The following IMMP2L variants were observed in gnomAD, a reference collection of about 807,000 sequenced individuals.
IMMP2L encodes mitochondrial inner membrane protease subunit 2.
In IMMP2L, 18 loss-of-function variants were observed where a neutral mutation model predicts 19.3. The observed-to-expected ratio is 0.93, with a 90% CI of 0.64 to 1.38. The LOEUF is 1.38. Ranked by LOEUF, IMMP2L falls within the 40% of genes most tolerant of loss-of-function variation. IMMP2L has a pLI of 0.00. For synonymous variants in IMMP2L, 76 were observed against 73.0 expected (o/e 1.04, Z -0.21); for missense variants, 233 against 218.2 (o/e 1.07, Z -0.43).
At chr7:110,787,034 G>GA (rs1800127452) in intron 5 of IMMP2L, among the ~76,000 whole-genome samples, 1 of 150,796 alleles carries the variant, frequency 6.6e-6, no homozygotes, top group South Asian at 2.1e-4. Flanking sequence ...TCTAAAGCAG[G>GA]AAAAAAGAAA....
At chr7:111,422,899 C>A (rs977046745) in intron 3 of IMMP2L, among the ~76,000 whole-genome samples, 1 of 151,682 alleles carries the variant, frequency 6.6e-6, no homozygotes, top group Non-Finnish European at 1.5e-5. Flanking sequence ...TTCATCAATA[C>A]CTAGTTTATT....
chr7:111,174,675 G>C (rs932205868), intron 3 of IMMP2L, among the ~76,000 whole-genome samples: 1 of 151,572 alleles, frequency 6.6e-6, no homozygotes, highest in East Asian at 1.9e-4. Flanking sequence ...AACAATTATT[G>C]AAAAAAGGAA....
At chr7:110,685,768 G>C (rs1413072665) in intron 5 of IMMP2L, among the ~76,000 whole-genome samples, 1 of 151,804 alleles carries the variant, frequency 6.6e-6, no homozygotes, top group Non-Finnish European at 1.5e-5. Flanking sequence ...TATATACTAA[G>C]ATGAGCTCAA....
intron 3 of IMMP2L, among the ~76,000 whole-genome samples, chr7:111,118,473 A>T (rs1692253439): frequency 6.6e-6 from 1 of 152,066 alleles, no homozygotes; most frequent in Admixed American, 6.6e-5. Flanking sequence ...CAATTGTTTG[A>T]TTTTAACGGC....
At chr7:110,796,674 A>G (rs560026785) in intron 5 of IMMP2L, among the ~76,000 whole-genome samples, 39 of 152,158 alleles carry the variant, frequency 2.6e-4, no homozygotes, top group Non-Finnish European at 4.3e-4. Flanking sequence ...TTTAAGCTAG[A>G]TAAGGAAGAA....
chr7:111,523,134 G>A (rs1303749449), intron 1 of IMMP2L, among the ~76,000 whole-genome samples: 1 of 151,826 alleles, frequency 6.6e-6, no homozygotes, highest in Non-Finnish European at 1.5e-5. Context: ...TAGTGGGGAG[G>A]AGAGGTTGGG....
intron 3 of IMMP2L, among the ~76,000 whole-genome samples, chr7:111,264,447 C>T (rs73714696): frequency 0.017 from 2,615 of 152,098 alleles, 84 homozygotes; most frequent in African/African-American, 0.06. Flanking sequence ...TTATACATAC[C>T]CTTTTGGCAA....
intron 3 of IMMP2L, among the ~76,000 whole-genome samples, chr7:111,404,018 TAA>T (rs1457333094): frequency 6.6e-6 from 1 of 152,148 alleles, no homozygotes; most frequent in African/African-American, 2.4e-5. Flanking sequence ...AGCAGCGGCA[TAA>T]CACACAGGGA....
At chr7:111,042,076 C>T (rs1791951645) in intron 3 of IMMP2L, among the ~76,000 whole-genome samples, 1 of 152,198 alleles carries the variant, frequency 6.6e-6, no homozygotes, top group African/African-American at 2.4e-5. Flanking sequence ...ATAAGTAACA[C>T]TATAATTTAT....
chr7:110,852,746 C>A (rs1806362330), intron 5 of IMMP2L, among the ~76,000 whole-genome samples: 1 of 152,004 alleles, frequency 6.6e-6, no homozygotes, highest in Non-Finnish European at 1.5e-5. Flanking sequence ...ATGAAATATT[C>A]ATGGAGAATT....
At chr7:111,326,565 A>C (rs10271042) in intron 3 of IMMP2L, among the ~76,000 whole-genome samples, 3,998 of 151,922 alleles carry the variant, frequency 0.026, 176 homozygotes, top group African/African-American at 0.091. Context: ...AGAAGACATA[A>C]AAATGGCCAA....
intron 3 of IMMP2L, among the ~76,000 whole-genome samples, chr7:111,322,222 G>C (rs1824796009): frequency 6.6e-6 from 1 of 151,804 alleles, no homozygotes; most frequent in African/African-American, 2.4e-5. Context: ...AATTATTAAT[G>C]AATAAAAGGC....
chr7:111,306,953 A>T (rs1822944844), intron 3 of IMMP2L, among the ~76,000 whole-genome samples: 1 of 150,262 alleles, frequency 6.7e-6, no homozygotes, highest in Admixed American at 6.7e-5. Context: ...AGCTTCTCTG[A>T]TGTTTAAAGA....
intron 3 of IMMP2L, among the ~76,000 whole-genome samples, chr7:111,348,992 T>C (rs1827861374): frequency 6.6e-6 from 1 of 152,224 alleles, no homozygotes. Context: ...CTGAGTTCTG[T>C]GTGTACTGGT....
intron 3 of IMMP2L, among the ~76,000 whole-genome samples, chr7:111,091,841 GGA>G (rs1005608374): frequency 2.0e-5 from 3 of 151,862 alleles, no homozygotes; most frequent in Non-Finnish European, 4.4e-5. Flanking sequence ...AGGAGGAGAG[GGA>G]GAGAGAAGGA....
chr7:111,382,188 C>A (rs1831263772), intron 3 of IMMP2L, among the ~76,000 whole-genome samples: 1 of 151,830 alleles, frequency 6.6e-6, no homozygotes, highest in African/African-American at 2.4e-5. Context: ...GGACAGACAG[C>A]AAGTTCACTA....
chr7:111,199,267 C>T (rs754702112), intron 3 of IMMP2L, among the ~76,000 whole-genome samples: 4 of 152,138 alleles, frequency 2.6e-5, no homozygotes, highest in Non-Finnish European at 2.9e-5. Flanking sequence ...TTTAAGTATG[C>T]GAGTATTTCT....
chr7:110,802,881 G>T (rs918720844), intron 5 of IMMP2L, among the ~76,000 whole-genome samples: 1 of 152,106 alleles, frequency 6.6e-6, no homozygotes, highest in African/African-American at 2.4e-5. Context: ...TCATTTCTGG[G>T]CCGGTTATCT....
At chr7:111,443,905 A>C (rs927118610) in intron 3 of IMMP2L, among the ~76,000 whole-genome samples, 9 of 152,218 alleles carry the variant, frequency 5.9e-5, no homozygotes, top group South Asian at 2.1e-4. Context: ...AGGTGGCATT[A>C]TTATATGTGA....
Sources: gnomAD v4.1 joint callset for allele counts (sites outside exome capture counted in the v4.1 genomes callset) on GRCh38, gnomAD v4.1.1 for gene constraint, MANE v1.5 for transcripts, NCBI Gene and HGNC (gene_info 2026-07-23, HGNC 2026-07-21) for gene names.